The following SYCP2L variants were observed in gnomAD, a reference collection of about 807,000 sequenced individuals.
SYCP2L encodes the protein synaptonemal complex protein 2-like.
Under a neutral mutation model 125.8 loss-of-function variants are expected in SYCP2L, and 98 were observed. That is an observed-to-expected ratio of 0.78 (90% CI 0.66 to 0.92). The LOEUF is 0.92. Ranked by LOEUF, SYCP2L falls within the 40% of genes least tolerant of loss-of-function variation. The pLI, the probability that SYCP2L is intolerant of heterozygous loss-of-function variation, is 0.00. For missense variants in SYCP2L, 842 were observed against 936.4 expected (o/e 0.90, Z 1.32); for synonymous variants, 317 against 325.4 (o/e 0.97, Z 0.28).
chr6:10,951,980 G>T (rs1781417675), intron 23 of SYCP2L, among the ~76,000 whole-genome samples: 1 of 152,130 alleles, frequency 6.6e-6, no homozygotes, highest in South Asian at 2.1e-4. Context: ...CACTTTTCTT[G>T]GAAATGAAGA....
At chr6:10,887,442 T>C (rs540081794) in intron 1 of SYCP2L, among the ~76,000 whole-genome samples, 1 of 152,252 alleles carries the variant, frequency 6.6e-6, no homozygotes, top group African/African-American at 2.4e-5. Context: ...TCCTAGCCGG[T>C]TTTCCAGCCC....
intron 17 of SYCP2L, among the ~76,000 whole-genome samples, chr6:10,927,988 G>A (rs996815372): frequency 5.3e-5 from 8 of 152,142 alleles, no homozygotes; most frequent in Non-Finnish European, 4.4e-5. Context: ...TGTTCCACCC[G>A]GCTCACCGGC....
At chr6:10,932,599 G>C (rs374940193) in intron 20 of SYCP2L, among the ~76,000 whole-genome samples, 28 of 152,158 alleles carry the variant, frequency 1.8e-4, no homozygotes, top group African/African-American at 6.0e-4. Flanking sequence ...TCTGTAAGGA[G>C]AGGGGTGGGT....
chr6:10,905,353 C>G (rs927144831), intron 8 of SYCP2L, among the ~76,000 whole-genome samples: 1 of 151,326 alleles, frequency 6.6e-6, no homozygotes, highest in Non-Finnish European at 1.5e-5. Context: ...AGTGCAATGG[C>G]ACGCTCTCGG....
At chr6:10,932,426 G>A (rs1198487411) in intron 20 of SYCP2L, among the ~76,000 whole-genome samples, 1 of 152,120 alleles carries the variant, frequency 6.6e-6, no homozygotes, top group South Asian at 2.1e-4. Flanking sequence ...CAGCAAGTTC[G>A]GAGCGGTTTA....
chr6:10,956,417 G>A (rs992975676), intron 25 of SYCP2L, among the ~76,000 whole-genome samples, 175 bp downstream of exon 25: 2 of 152,132 alleles, frequency 1.3e-5, no homozygotes, highest in Non-Finnish European at 1.5e-5. Context: ...TAGAGGAAAT[G>A]GGAGATGTTG....
intron 11 of SYCP2L, among the ~76,000 whole-genome samples, chr6:10,910,436 G>A (rs9467922): frequency 0.32 from 49,037 of 151,740 alleles, 8,638 homozygotes; most frequent in East Asian, 0.53. Flanking sequence ...TTGTGACTTG[G>A]GGTATTTTAA....
At chr6:10,966,671 G>A (rs1781683665) in intron 29 of SYCP2L, among the ~76,000 whole-genome samples, 1 of 152,050 alleles carries the variant, frequency 6.6e-6, no homozygotes, top group Admixed American at 6.6e-5. Context: ...AAAGAGTACT[G>A]GTACAAGTCC....
At chr6:10,969,654 G>A (rs1259291406) in intron 29 of SYCP2L, among the ~76,000 whole-genome samples, 5 of 151,916 alleles carry the variant, frequency 3.3e-5, no homozygotes, top group Non-Finnish European at 5.9e-5. Flanking sequence ...GTGAGCCACC[G>A]CGCCTGGCCG....
intron 21 of SYCP2L, 34 bp downstream of exon 21, chr6:10,935,221 AATTTGT>A: frequency 3.1e-6 from 5 of 1,601,152 alleles, no homozygotes; most frequent in Non-Finnish European, 4.3e-6. Flanking sequence ...CATAGGAAAA[AATTTGT>A]ATTTGGGAAA....
chr6:10,952,551 A>G (rs1781429622), intron 23 of SYCP2L, among the ~76,000 whole-genome samples: 1 of 150,876 alleles, frequency 6.6e-6, no homozygotes, highest in African/African-American at 2.4e-5. Flanking sequence ...TTCAAGGACA[A>G]ACTTTGGGCT....
chr6:10,950,737 G>A (rs1781395701), intron 23 of SYCP2L, among the ~76,000 whole-genome samples: 1 of 152,106 alleles, frequency 6.6e-6, no homozygotes, highest in African/African-American at 2.4e-5. Context: ...TCGGGTCACT[G>A]CAGCCTTCGA....
At chr6:10,936,783 A>G (rs1447094168) in intron 21 of SYCP2L, among the ~76,000 whole-genome samples, 1 of 152,146 alleles carries the variant, frequency 6.6e-6, no homozygotes, top group Middle Eastern at 3.2e-3. Context: ...ATCAAAAGAG[A>G]GCAGGGATGT....
Position 10,961,259 on chromosome 6 carries a change from A to G in SYCP2L, c.2256-46A>G, listed in dbSNP as rs372945035. 112 of 1,478,378 alleles carry G rather than the reference A, an allele frequency of 7.6e-5. 1 individual carries two copies. Among genetic ancestry groups the G allele is most frequent in the South Asian group, 7.0e-4 (61 of 87,244 alleles). The allele number at this position is 1,478,378 out of a possible 1,614,324, so 91.6% of individuals were successfully genotyped here. On this transcript the variant is annotated intron_variant, in intron 26 of 29. Transcript: ENST00000283141. ...TGACTTATTAAGAAAGTCTGCTGTC[A>G]CATCCAAGCGATCCCAATGATATTT...
At chr6:10,946,074 G>A (rs1200265656) in intron 23 of SYCP2L, among the ~76,000 whole-genome samples, 2 of 152,068 alleles carry the variant, frequency 1.3e-5, no homozygotes, top group African/African-American at 4.8e-5. Flanking sequence ...TTTAACTGGA[G>A]TATTTAGTCC....
chr6:10,949,770 C>G (rs1459129923), intron 23 of SYCP2L, among the ~76,000 whole-genome samples: 1 of 112,058 alleles, frequency 8.9e-6, no homozygotes, highest in South Asian at 2.9e-4. Context: ...TTTTTTCATC[C>G]TTGTGAATTG....
intron 19 of SYCP2L, among the ~76,000 whole-genome samples, chr6:10,931,126 G>A (rs974843906): frequency 3.3e-5 from 5 of 152,208 alleles, no homozygotes; most frequent in African/African-American, 1.2e-4. Flanking sequence ...AGCAGTGATC[G>A]TGCCACTGCA....
chr6:10,970,768 C>T (rs1289112372), intron 29 of SYCP2L, among the ~76,000 whole-genome samples: 2 of 152,136 alleles, frequency 1.3e-5, no homozygotes, highest in South Asian at 2.1e-4. Context: ...AACTGGATAT[C>T]TGAGACTGAA....
At chr6:10,891,373 T>C (rs1157280292) in intron 1 of SYCP2L, 140 bp from the exon 2 acceptor site, 46 of 657,296 alleles carry the variant, frequency 7.0e-5, no homozygotes, top group Non-Finnish European at 1.1e-4. Flanking sequence ...ACCTATAATA[T>C]GAGCAAACAA....
Sources: allele counts gnomAD v4.1 joint callset (sites outside exome capture counted in the v4.1 genomes callset), GRCh38; gene constraint gnomAD v4.1.1; transcripts MANE v1.5; gene names NCBI Gene and HGNC (gene_info 2026-07-23, HGNC 2026-07-21).